Variants in MED26 observed in about 807,000 individuals in gnomAD.
The protein encoded by MED26 is mediator complex subunit 26.
A neutral mutation model predicts 43.7 loss-of-function variants in MED26; 7 were observed. The ratio of observed to expected loss-of-function variants is 0.16; its 90% CI spans 0.09 to 0.30. The LOEUF is 0.30. Among genes scored for constraint, MED26 ranks in the 10% least tolerant of loss-of-function variants. MED26 has a pLI of 1.00. For missense variants in MED26, 784 were observed against 840.6 expected (o/e 0.93, Z 0.83); for synonymous variants, 375 against 371.1 (o/e 1.01, Z -0.12).
chr19:16,624,183 T>A (rs2086263550), intron 1 of MED26: 1 of 151,680 alleles, frequency 6.6e-6, no homozygotes, highest in Admixed American at 6.6e-5. Context: ...TGAACTTAGA[T>A]CTGGAAGGAG....
intron 1 of MED26, among the ~76,000 whole-genome samples, chr19:16,598,336 C>CAA (rs35572400): frequency 0.17 from 10,395 of 62,382 alleles, 1,296 homozygotes; most frequent in African/African-American, 0.34. Context: ...GATTCCATCT[C>CAA]AAAAAAAAAA....
chr19:16,577,372 T>C lies in MED26; in HGVS notation c.458A>G (p.Gln153Arg). The change falls in exon 3 of 3, where the codon CAG becomes CGG. Residue 153 changes from glutamine to arginine, a missense_variant. Transcript: ENST00000263390. The surrounding 1 kb of genome is among the most constrained non-coding windows in gnomAD (Gnocchi z 8.1). Reference sequence around the variant, plus strand: ...CGGCCCTGGGTGGCCGAGGTCACGCTGGTCACCCCGGCGCTTGCGGCTGCC... The same window carrying C: ...CGGCCCTGGGTGGCCGAGGTCACGCCGGTCACCCCGGCGCTTGCGGCTGCC... ...RLGSRKRRGD[Q>R]RDLGHPGPPP... The C allele has an allele frequency of 1.2e-6, 2 of 1,610,980 alleles. No homozygotes were observed. The highest frequency in any genetic ancestry group is 1.7e-6 in the Non-Finnish European group (2 of 1,178,924).
intron 1 of MED26, among the ~76,000 whole-genome samples, chr19:16,579,000 C>T (rs1214171398): frequency 6.6e-6 from 1 of 152,124 alleles, no homozygotes; most frequent in Non-Finnish European, 1.5e-5. Flanking sequence ...ACTTGGGAGG[C>T]TGAGGCACGA....
intron 1 of MED26, chr19:16,624,752 C>T (rs1290256358): frequency 6.6e-6 from 1 of 152,206 alleles, no homozygotes; most frequent in Non-Finnish European, 1.5e-5. Flanking sequence ...ATAAAGTGGT[C>T]ACAAAGGCTT....
At chr19:16,619,967 C>T (rs73516968) in intron 1 of MED26, among the ~76,000 whole-genome samples, 195 of 152,322 alleles carry the variant, frequency 1.3e-3, no homozygotes, top group African/African-American at 4.6e-3. Context: ...GGGACCCAGG[C>T]TTCACAGATG....
chr19:16,576,805 A>G lies in MED26; in HGVS notation c.1025T>C (p.Leu342Pro). Residue 342 changes from leucine (L) to proline (P), a missense_variant, in exon 3 of 3, where the codon CTT becomes CCT. Around this residue, in one of 3 missense-constraint regions of MED26, gnomAD observed 719 missense variants for 730.9 expected, o/e 0.98. Coordinates refer to ENST00000263390, the MANE Select transcript of MED26 (RefSeq NM_004831.5). The surrounding 1 kb of genome is among the most constrained non-coding windows in gnomAD (Gnocchi z 6.8). Reference sequence around the variant, plus strand: ...CCGCTGGTGGCTCTCAGGCTGCTCAAGCCAGCACACTGGGCTTTCCGCACT... The same window carrying G: ...CCGCTGGTGGCTCTCAGGCTGCTCAGGCCAGCACACTGGGCTTTCCGCACT... ...LPSAESPVCW[L>P]EQPESHQRLA... 6.2e-7 allele frequency: 1 copy of G among 1,609,176 alleles called. No homozygotes were observed. Among genetic ancestry groups the G allele is most frequent in the Non-Finnish European group, 8.5e-7 (1 of 1,178,950 alleles).
At chr19:16,612,771 C>G (rs556363294) in intron 1 of MED26, among the ~76,000 whole-genome samples, 2 of 152,208 alleles carry the variant, frequency 1.3e-5, no homozygotes, top group Non-Finnish European at 2.9e-5. Flanking sequence ...GCACCTCTTC[C>G]AAGGAAGAGG....
chr19:16,604,976 G>C (rs868502681), intron 1 of MED26, among the ~76,000 whole-genome samples: 1 of 152,128 alleles, frequency 6.6e-6, no homozygotes, highest in Admixed American at 6.6e-5. Flanking sequence ...TGCAGTACTC[G>C]ACAGCACCCA....
intron 1 of MED26, chr19:16,588,825 A>T (rs929810234): frequency 2.0e-5 from 3 of 152,274 alleles, no homozygotes; most frequent in African/African-American, 4.8e-5. Flanking sequence ...CTGCCTGTCC[A>T]ATTGGGCTGC....
chr19:16,591,559 T>G (rs903976370), intron 1 of MED26, among the ~76,000 whole-genome samples: 1 of 152,146 alleles, frequency 6.6e-6, no homozygotes, highest in Non-Finnish European at 1.5e-5. Flanking sequence ...ACCAAGCCAC[T>G]TCCCAAGGCT....
At chr19:16,615,578 T>C (rs946070177) in intron 1 of MED26, among the ~76,000 whole-genome samples, 1 of 151,814 alleles carries the variant, frequency 6.6e-6, no homozygotes, top group Non-Finnish European at 1.5e-5. Flanking sequence ...AAAACCCTGT[T>C]TCTACTAAAA....
intron 1 of MED26, among the ~76,000 whole-genome samples, chr19:16,600,170 G>A (rs1285299376): frequency 6.8e-6 from 1 of 147,264 alleles, no homozygotes; most frequent in Non-Finnish European, 1.5e-5. Flanking sequence ...TCATCCCCCC[G>A]GGCCCTCCTG....
intron 1 of MED26, among the ~76,000 whole-genome samples, chr19:16,618,813 C>T (rs1430524660): frequency 6.6e-6 from 1 of 152,238 alleles, no homozygotes; most frequent in East Asian, 1.9e-4. Context: ...TTCAATCAAA[C>T]TGCTAATCCA....
intron 1 of MED26, among the ~76,000 whole-genome samples, chr19:16,625,315 G>C (rs907624703): frequency 1.3e-5 from 2 of 152,190 alleles, no homozygotes; most frequent in African/African-American, 4.8e-5. Context: ...TTCCTCCTAA[G>C]AATTCCTTTG....
In MED26 at chr19:16,576,710, G is replaced by C. The variant is rs758405826; in HGVS notation, c.1120C>G (p.Pro374Ala). The change falls in exon 3 of 3, where the codon CCA becomes GCA. Residue 374 changes from proline (P) to alanine (A), a missense_variant. Around this residue, in one of 3 missense-constraint regions of MED26, gnomAD observed 719 missense variants for 730.9 expected, o/e 0.98. Transcript: ENST00000263390. The surrounding 1 kb of genome is among the most constrained non-coding windows in gnomAD (Gnocchi z 6.8). ...TCACTGTCCGCCTTGGAGGAGTCTG[G>C]GGAAAAGCCTGCCCGGGACAGGAGG... is the stretch of plus-strand genomic sequence containing the variant. ...EPLLSRAGFS[P>A]DSSKADSDAA... 13 of 1,613,012 alleles carry C rather than the reference G, an allele frequency of 8.1e-6. No homozygotes were observed. The highest frequency in any genetic ancestry group is 1.1e-5 in the Non-Finnish European group (13 of 1,180,010).
intron 1 of MED26, among the ~76,000 whole-genome samples, chr19:16,595,480 T>C (rs763771975): frequency 6.6e-6 from 1 of 152,166 alleles, no homozygotes; most frequent in Admixed American, 6.5e-5. Flanking sequence ...AGATGAACAT[T>C]GTCATTGCAC....
intron 1 of MED26, among the ~76,000 whole-genome samples, chr19:16,600,081 CAGCCCA>C (rs1472354749): frequency 2.0e-5 from 3 of 152,182 alleles, no homozygotes; most frequent in Non-Finnish European, 4.4e-5. Flanking sequence ...AACAGGCAGC[CAGCCCA>C]GGCCCAGGCC....
chr19:16,627,022 ACT>A (rs1009292418), intron 1 of MED26, among the ~76,000 whole-genome samples: 49 of 149,830 alleles, frequency 3.3e-4, no homozygotes, highest in African/African-American at 1.1e-3. Context: ...AGGAAGCGAC[ACT>A]CTGGAGTTAA....
At chr19:16,595,011 T>C (rs778251138) in intron 1 of MED26, among the ~76,000 whole-genome samples, 11 of 152,178 alleles carry the variant, frequency 7.2e-5, no homozygotes, top group Non-Finnish European at 1.3e-4. Flanking sequence ...ACTCTGCTCC[T>C]GCCGGTGGCC....
Sources: gnomAD v4.1 joint callset for allele counts (sites outside exome capture counted in the v4.1 genomes callset) on GRCh38, gnomAD v4.1.1 for gene constraint, gnomAD v4.1.1 regional missense constraint, Gnocchi (gnomAD v3.1) non-coding constraint, MANE v1.5 for transcripts, NCBI Gene and HGNC (gene_info 2026-07-23, HGNC 2026-07-21) for gene names.